The following NHS variants were observed in gnomAD, a reference collection of about 807,000 sequenced individuals.
NHS encodes the protein NHS actin remodeling regulator.
A neutral mutation model predicts 72.5 loss-of-function variants in NHS; 5 were observed. The ratio of observed to expected loss-of-function variants is 0.07; its 90% CI spans 0.04 to 0.14. The LOEUF (loss-of-function observed/expected upper bound fraction) is 0.14. Among genes scored for constraint, NHS ranks in the 10% least tolerant of loss-of-function variants. NHS has a pLI of 1.00. For missense variants in NHS, 1,072 were observed against 1,355.7 expected, an observed-to-expected ratio of 0.79 and a Z score of 3.29; for synonymous variants, 464 against 547.7, an observed-to-expected ratio of 0.85 and a Z score of 2.13.
chrX:17,573,937 C>A (rs1319272141), intron 1 of NHS, among the ~76,000 whole-genome samples: 1 of 111,958 alleles, frequency 8.9e-6, no homozygotes, highest in Non-Finnish European at 1.9e-5. Flanking sequence ...AGACAGGCCT[C>A]TCAGCTGCAG....
chrX:17,523,743 C>T lies in NHS; in HGVS notation c.565+147421C>T, dbSNP rs1212734256. Reference sequence around the variant, plus strand: ...CCTCACACCTCAATAAAAGCCCAGTCTTGTCTTTCTCTCCCAACAGTGCCG... The same window carrying T: ...CCTCACACCTCAATAAAAGCCCAGTTTTGTCTTTCTCTCCCAACAGTGCCG... On this transcript the variant is annotated intron_variant, in intron 1 of 8. Coordinates refer to ENST00000676302, the MANE Select transcript of NHS (RefSeq NM_001291867.2). Among the ~76,000 whole-genome samples, 20 of 111,820 alleles carry T rather than the reference C, an allele frequency of 1.8e-4. No individual in the cohort carries two copies. In the Admixed American group the frequency reaches 1.9e-3, roughly 11 times the overall value.
intron 1 of NHS, among the ~76,000 whole-genome samples, chrX:17,452,645 T>TGA (rs1460377874): frequency 1.7e-4 from 19 of 111,466 alleles, no homozygotes; most frequent in African/African-American, 3.9e-4. Context: ...CAGGAGAGCA[T>TGA]GAGAGAGAGA....
intron 1 of NHS, among the ~76,000 whole-genome samples, chrX:17,477,342 C>T (rs756185236): frequency 4.5e-5 from 5 of 111,494 alleles, no homozygotes; most frequent in Non-Finnish European, 5.6e-5. Flanking sequence ...GGCCCTGAGG[C>T]TGGGGTGTGT....
At chrX:17,631,658 A>G (rs1044197446) in intron 1 of NHS, among the ~76,000 whole-genome samples, 2 of 111,915 alleles carry the variant, frequency 1.8e-5, no homozygotes, top group African/African-American at 6.5e-5. Flanking sequence ...GATTGCTAAG[A>G]TTTGTTTCAG....
rs746335046 is a variant in NHS, at chrX:17,458,221, CTTTG to C, written c.565+81919_565+81922del. Among the ~76,000 whole-genome samples the C allele has an allele frequency of 7.5e-3, 824 of 110,524 alleles. 6 individuals are homozygous for C. The highest frequency in any genetic ancestry group is 0.025 in the African/African-American group (767 of 30,334). ...GTTTGTGTGTGCATGCATTCTTTTT[CTTTG>C]TTTGTTTGTTTGTTTGTTTCTTGAC... is the stretch of plus-strand genomic sequence containing the variant. On this transcript the variant is annotated intron_variant, in intron 1 of 8. Transcript: ENST00000676302.
chrX:17,377,210 GAGGA>G (rs1270681341), intron 1 of NHS, among the ~76,000 whole-genome samples: 2 of 112,029 alleles, frequency 1.8e-5, no homozygotes, highest in African/African-American at 3.2e-5. Context: ...GGGAAACGAC[GAGGA>G]AGGAAGTCTG....
At chrX:17,720,623 A>T (rs1364714344) in intron 4 of NHS, among the ~76,000 whole-genome samples, 2 of 112,401 alleles carry the variant, frequency 1.8e-5, no homozygotes, top group African/African-American at 6.5e-5. Context: ...GACAATATTG[A>T]TATTTATCAA....
At chrX:17,463,384 C>T (rs747374418) in intron 1 of NHS, among the ~76,000 whole-genome samples, 1 of 106,840 alleles carries the variant, frequency 9.4e-6, no homozygotes. Context: ...TTTTTTTTTT[C>T]CCCCGGAGGA....
intron 1 of NHS, among the ~76,000 whole-genome samples, chrX:17,464,693 CT>C (rs2064863503): frequency 8.9e-6 from 1 of 112,766 alleles, no homozygotes; most frequent in African/African-American, 3.2e-5. Flanking sequence ...GAGATCCCAG[CT>C]TAGTGTTTCA....
intron 1 of NHS, among the ~76,000 whole-genome samples, chrX:17,415,437 T>C (rs2064588504): frequency 9.0e-6 from 1 of 110,805 alleles, no homozygotes; most frequent in African/African-American, 3.3e-5. Context: ...TTATCCCTTT[T>C]CCCCTCTGCC....
chrX:17,621,664 T>G (rs987989759), intron 1 of NHS, among the ~76,000 whole-genome samples: 1 of 111,718 alleles, frequency 9.0e-6, no homozygotes, highest in African/African-American at 3.3e-5. Flanking sequence ...GCTTTTATCC[T>G]CAGAGATCTT....
chrX:17,461,374 G>A (rs2064846909), intron 1 of NHS, among the ~76,000 whole-genome samples: 1 of 112,311 alleles, frequency 8.9e-6, no homozygotes, highest in Non-Finnish European at 1.9e-5. Flanking sequence ...TTGTCATCAT[G>A]TCCCTTCCAA....
intron 1 of NHS, among the ~76,000 whole-genome samples, chrX:17,561,450 G>T (rs58844313): frequency 9.2e-6 from 1 of 109,026 alleles, no homozygotes; most frequent in Non-Finnish European, 1.9e-5. Flanking sequence ...AAAAAGTCCC[G>T]TCTTGTAGGG....
At chrX:17,615,057 G>T (rs1188483926) in intron 1 of NHS, among the ~76,000 whole-genome samples, 2 of 95,485 alleles carry the variant, frequency 2.1e-5, no homozygotes, top group African/African-American at 7.9e-5. Context: ...CCCAGGGCAG[G>T]CTCTTGTCAT....
At chrX:17,496,567 A>G (rs915481762) in intron 1 of NHS, among the ~76,000 whole-genome samples, 3 of 111,414 alleles carry the variant, frequency 2.7e-5, no homozygotes, top group Non-Finnish European at 5.7e-5. Flanking sequence ...GGGCTGTGTC[A>G]GTGAATATCT....
chrX:17,376,835 G>T (rs1397182363), intron 1 of NHS, among the ~76,000 whole-genome samples: 1 of 112,998 alleles, frequency 8.8e-6, no homozygotes, highest in Non-Finnish European at 1.9e-5. Flanking sequence ...TTCGTCACTC[G>T]CTGTGACCTC....
At chrX:17,613,739 G>A (rs2065722717) in intron 1 of NHS, among the ~76,000 whole-genome samples, 1 of 111,588 alleles carries the variant, frequency 9.0e-6, no homozygotes, top group South Asian at 3.8e-4. Context: ...TCCTCTTAAG[G>A]TGGCCTTTTA....
intron 1 of NHS, among the ~76,000 whole-genome samples, chrX:17,490,115 G>A (rs924266828): frequency 3.9e-4 from 44 of 112,260 alleles, no homozygotes; most frequent in African/African-American, 1.4e-3. Context: ...CTGTGCAGAA[G>A]CTCTTTAGTT....
At chrX:17,646,906 G>A (rs897448925) in intron 1 of NHS, among the ~76,000 whole-genome samples, 1 of 111,988 alleles carries the variant, frequency 8.9e-6, no homozygotes, top group African/African-American at 3.2e-5. Context: ...CCTTGCAAGA[G>A]TAGACTAAAA....
Sources: gnomAD v4.1 joint callset for allele counts (sites outside exome capture counted in the v4.1 genomes callset) on GRCh38, gnomAD v4.1.1 for gene constraint, MANE v1.5 for transcripts, NCBI Gene and HGNC (gene_info 2026-07-23, HGNC 2026-07-21) for gene names.